The following YIPF7 variants were observed in gnomAD, a reference collection of about 807,000 sequenced individuals.
YIPF7 encodes the protein protein YIPF7.
A neutral mutation model predicts 27.2 loss-of-function variants in YIPF7; 35 were observed. The ratio of observed to expected loss-of-function variants is 1.29; its 90% confidence interval spans 0.98 to 1.70. The LOEUF (loss-of-function observed/expected upper bound fraction) is 1.70, where lower values mean the gene tolerates loss of function less well. Ranked by LOEUF, YIPF7 falls within the 40% of genes most tolerant of loss-of-function variation. YIPF7 has a pLI of 0.00. For missense variants in YIPF7, 358 were observed against 303.7 expected (o/e 1.18, Z -1.33); for synonymous variants, 137 against 110.4 (o/e 1.24, Z -1.51).
intron 2 of YIPF7, among the ~76,000 whole-genome samples, chr4:44,658,347 C>T (rs1713956034): frequency 6.6e-6 from 1 of 152,180 alleles, no homozygotes; most frequent in African/African-American, 2.4e-5. Context: ...CTCCACTATG[C>T]TGGCACCCTG....
At chr4:44,657,957 ACCTGTAAT>A (rs1291158713) in intron 2 of YIPF7, among the ~76,000 whole-genome samples, 1 of 152,076 alleles carries the variant, frequency 6.6e-6, no homozygotes, top group Non-Finnish European at 1.5e-5. Context: ...GGTGGCTCAT[ACCTGTAAT>A]CCTAGCACTT....
At chr4:44,654,011 T>C (rs1713814626), upstream of YIPF7, among the ~76,000 whole-genome samples, 1 of 152,086 alleles carries the variant, frequency 6.6e-6, no homozygotes, top group South Asian at 2.1e-4. Context: ...CAGGAATATA[T>C]GGACTGAAAA....
Position 44,622,305 on chromosome 4 carries a change from C to G in YIPF7, c.*109G>C. 1.5e-6 allele frequency: 2 copies of G among 1,320,828 alleles called. No individual in the cohort carries two copies. Among genetic ancestry groups the G allele is most frequent in the Non-Finnish European group, 2.1e-6 (2 of 972,200 alleles). 81.8% of individuals were successfully genotyped at this position (1,320,828 alleles called of 1,614,324 possible). ...CTGCTTTGTCTCTCTGCTTATTACT[C>G]TCTCAAAAGCAATAAAACAGAAATC... On this transcript the variant is annotated 3_prime_UTR_variant, in exon 6 of 6. Coordinates refer to ENST00000415895, the MANE Select transcript of YIPF7 (RefSeq NM_182592.3).
At chr4:44,624,542 G>T in intron 5 of YIPF7, 59 bp downstream of exon 5, 1 of 1,446,748 alleles carries the variant, frequency 6.9e-7, no homozygotes, top group Non-Finnish European at 9.1e-7. Flanking sequence ...TTTCATGGCT[G>T]TGGCAAACCT....
In YIPF7 at chr4:44,624,828, C is replaced by T. The variant is rs746359605; in HGVS notation, c.427-46G>A. On this transcript the variant is annotated intron_variant, in intron 4 of 5. Coordinates refer to ENST00000415895, the MANE Select transcript of YIPF7 (RefSeq NM_182592.3). ...AACAGTTTGAACACACAATGGACAC[C>T]GAGAGGAAATCTGAATATCATGAAG... The T allele has an allele frequency of 3.9e-6, 6 of 1,535,090 alleles. No homozygotes were observed. The Admixed American group carries it at 9.7e-5, about 25-fold the overall frequency.
At chr4:44,634,639 T>C (rs902969794) in intron 3 of YIPF7, among the ~76,000 whole-genome samples, 1 of 152,188 alleles carries the variant, frequency 6.6e-6, no homozygotes, top group Non-Finnish European at 1.5e-5. Flanking sequence ...CTTTAAAGTA[T>C]GCATGTATAT....
At chr4:44,631,430 T>TTCTGTACACAGACTGTACACAG (rs1712894148) in intron 3 of YIPF7, among the ~76,000 whole-genome samples, 1 of 152,132 alleles carries the variant, frequency 6.6e-6, no homozygotes, top group Non-Finnish European at 1.5e-5. Flanking sequence ...AAGTTGACTT[T>TTCTGTACACAGACTGTACACAG]TCTGTACACA....
chr4:44,629,359 G>T lies in YIPF7; in HGVS notation c.426+44C>A, dbSNP rs1372235623. The T allele has an allele frequency of 2.0e-6, 3 of 1,523,730 alleles. No homozygotes were observed. In the African/African-American group the frequency reaches 4.2e-5, roughly 21 times the overall value. The allele number at this position is 1,523,730 out of a possible 1,614,324, so 94.4% of individuals were successfully genotyped here. A position where few individuals can be genotyped will look rare whatever the true frequency, so the allele number is the denominator to read the frequency against. On this transcript the variant is annotated intron_variant, in intron 4 of 5. Transcript: ENST00000415895. Reference sequence around the variant, plus strand: ...ACAGATTGCTTCAAAGCCAGCACTGGAAAGGACAAGCATTAAAATCTGGTG... The same window carrying T: ...ACAGATTGCTTCAAAGCCAGCACTGTAAAGGACAAGCATTAAAATCTGGTG...
intron 2 of YIPF7, among the ~76,000 whole-genome samples, chr4:44,645,144 TG>T (rs1713482616): frequency 6.6e-6 from 1 of 152,220 alleles, no homozygotes; most frequent in South Asian, 2.1e-4. Flanking sequence ...TCATAGCAGT[TG>T]TGGGAATGGC....
At chr4:44,643,920 A>G (rs1446048878) in intron 2 of YIPF7, among the ~76,000 whole-genome samples, 1 of 152,034 alleles carries the variant, frequency 6.6e-6, no homozygotes, top group South Asian at 2.1e-4. Flanking sequence ...GCAGGGGTGG[A>G]GCCCTCATGG....
At position 44,624,693 on chromosome 4, in the gene YIPF7, T is replaced by C. The variant is rs766276259; in HGVS notation, c.516A>G (p.Ser172=). The C allele has an allele frequency of 1.9e-6, 3 of 1,609,868 alleles. No individual in the cohort carries two copies. The highest frequency in any genetic ancestry group is 1.7e-5 in the Admixed American group (1 of 59,622). Reference sequence around the variant, plus strand: ...TGGCCACACAGCCGTACGACACCCCTGAAGAGCTCATCAGGTTCAGCAAGG... The same window carrying C: ...TGGCCACACAGCCGTACGACACCCCCGAAGAGCTCATCAGGTTCAGCAAGG... ...IHALLNLMSS[S]GVSYGCVASV... is the part of the protein sequence containing the mutation. Residue 172 remains serine (S), a synonymous_variant, in exon 5 of 6, where the codon TCA becomes TCG. Transcript: ENST00000415895.
chr4:44,623,209 T>G (rs184610129), intron 5 of YIPF7, among the ~76,000 whole-genome samples: 1 of 152,320 alleles, frequency 6.6e-6, no homozygotes, highest in East Asian at 1.9e-4. Context: ...TGGAGGCAAG[T>G]GAGCAAATAA....
chr4:44,656,103 T>C (rs1242734828), upstream of YIPF7, among the ~76,000 whole-genome samples: 1 of 152,102 alleles, frequency 6.6e-6, no homozygotes, highest in East Asian at 1.9e-4. Context: ...ATTAAGTTTT[T>C]AGTTTGGCAA....
intron 4 of YIPF7, among the ~76,000 whole-genome samples, chr4:44,628,518 T>G (rs1161935387): frequency 6.6e-6 from 1 of 152,122 alleles, no homozygotes; most frequent in African/African-American, 2.4e-5. Flanking sequence ...CCCATATTAT[T>G]TCCTCTGCCT....
chr4:44,643,950 T>A (rs991088586), intron 2 of YIPF7, among the ~76,000 whole-genome samples: 15 of 151,772 alleles, frequency 9.9e-5, no homozygotes, highest in Non-Finnish European at 1.6e-4. Flanking sequence ...ACTAGGGAAG[T>A]GTGGAATGAA....
chr4:44,659,965 T>G (rs58248227), intron 2 of YIPF7, among the ~76,000 whole-genome samples: 82,063 of 150,732 alleles, frequency 0.54, 23,308 homozygotes, highest in Non-Finnish European at 0.64. Flanking sequence ...TACAAAAAAA[T>G]TAGCCAGGAG....
chr4:44,640,662 A>C (rs544716209), intron 2 of YIPF7, among the ~76,000 whole-genome samples: 11 of 152,298 alleles, frequency 7.2e-5, no homozygotes, highest in African/African-American at 2.6e-4. Flanking sequence ...CCCTCAGTTC[A>C]TGCTCATGGC....
At chr4:44,661,516 A>G (rs1356541567) in intron 1 of YIPF7, among the ~76,000 whole-genome samples, 1 of 152,244 alleles carries the variant, frequency 6.6e-6, no homozygotes, top group Non-Finnish European at 1.5e-5. Flanking sequence ...AGAAGTTGGT[A>G]AGATTTGTAA....
chr4:44,639,602 A>G (rs1306345367), intron 2 of YIPF7, among the ~76,000 whole-genome samples: 4 of 152,062 alleles, frequency 2.6e-5, no homozygotes, highest in Admixed American at 2.6e-4. Context: ...TATTAACTCT[A>G]AGAGGTTTTG....
Sources: gnomAD v4.1 joint callset for allele counts (sites outside exome capture counted in the v4.1 genomes callset) on GRCh38, gnomAD v4.1.1 for gene constraint, MANE v1.5 for transcripts, NCBI Gene and HGNC (gene_info 2026-07-23, HGNC 2026-07-21) for gene names.